Variants in ZKSCAN5 observed in about 807,000 individuals in gnomAD.
ZKSCAN5 encodes the protein zinc finger protein with KRAB and SCAN domains 5.
ZKSCAN5 carries 28 observed loss-of-function variants against 60.0 expected under a neutral mutation model. That is an observed-to-expected ratio of 0.47 (90% CI 0.35 to 0.64). ZKSCAN5 has a LOEUF of 0.64. ZKSCAN5 is among the 30% of genes least tolerant of loss of function. The pLI, the probability that ZKSCAN5 is intolerant of heterozygous loss-of-function variation, is 0.01. For synonymous variants in ZKSCAN5, 361 were observed against 371.2 expected (o/e 0.97, Z 0.31); for missense variants, 881 against 1,034.6 (o/e 0.85, Z 2.04).
chr7:99,524,456 C>A (rs1173123926), intron 5 of ZKSCAN5, among the ~76,000 whole-genome samples: 3 of 152,192 alleles, frequency 2.0e-5, no homozygotes, highest in African/African-American at 7.2e-5. Context: ...AAGTGAACCG[C>A]CCGCCTTGGC....
chr7:99,532,227 G>A lies in ZKSCAN5; in HGVS notation c.2498G>A (p.Ser833Asn), dbSNP rs745582808. ...AGGACAGATCCCATAAATACCTTAA[G>A]TGTAGAGGGGTCTCTGTTGTAGAAT... Reference protein sequence around the residue: ...HERTDPINTLSVEGSLL With the variant: ...HERTDPINTLNVEGSLL The change falls in exon 7 of 7, where the codon AGT becomes AAT. Residue 833 changes from serine to asparagine, a missense_variant. Ser to Asn is a conservative substitution (Grantham distance 46). Around this residue, in one of 5 missense-constraint regions of ZKSCAN5, gnomAD observed 138 missense variants for 143.8 expected, o/e 0.96. Transcript: ENST00000326775. The A allele has an allele frequency of 5.1e-5, 81 of 1,589,450 alleles. No individual in the cohort carries two copies. The highest frequency in any genetic ancestry group is 6.8e-5 in the Non-Finnish European group (80 of 1,171,614).
At chr7:99,508,457 A>G (rs962979139) in intron 2 of ZKSCAN5, among the ~76,000 whole-genome samples, 14 of 152,014 alleles carry the variant, frequency 9.2e-5, no homozygotes, top group African/African-American at 3.1e-4. Flanking sequence ...TTGCCAGTAC[A>G]TAAGATGCAA....
At chr7:99,515,406 C>CAA (rs573506998) in intron 3 of ZKSCAN5, among the ~76,000 whole-genome samples, 1 of 135,520 alleles carries the variant, frequency 7.4e-6, no homozygotes, top group African/African-American at 2.7e-5. Flanking sequence ...GACTCTGTCT[C>CAA]AAAAAAAAAA....
Position 99,525,728 on chromosome 7 carries a change from G to A in ZKSCAN5, c.773-85G>A, listed in dbSNP as rs567181880. 11 of 1,504,630 alleles carry A rather than the reference G, an allele frequency of 7.3e-6. No homozygotes were observed. In the African/African-American group the frequency reaches 1.5e-4, roughly 21 times the overall value. The allele number at this position is 1,504,630 out of a possible 1,614,324, so 93.2% of individuals were successfully genotyped here. The stretch of plus-strand genomic sequence containing the variant: ...ACAGAATCATGGATCCCTAGCACAT[G>A]TCAGTTTCTCTTCATTATCCCCTCA... On this transcript the variant is annotated intron_variant, in intron 5 of 6. Coordinates refer to ENST00000326775, the MANE Select transcript of ZKSCAN5 (RefSeq NM_145102.4).
At chr7:99,527,747 C>A (rs1450745347) in intron 6 of ZKSCAN5, among the ~76,000 whole-genome samples, 1 of 152,030 alleles carries the variant, frequency 6.6e-6, no homozygotes, top group African/African-American at 2.4e-5. Flanking sequence ...TGCAATGGCA[C>A]GATCTCAGCT....
intron 3 of ZKSCAN5, among the ~76,000 whole-genome samples, chr7:99,515,993 CTTT>C (rs1219636117): frequency 1.4e-5 from 2 of 145,716 alleles, no homozygotes. Flanking sequence ...CTCATCTTTG[CTTT>C]TTTTTTTTTG....
intron 5 of ZKSCAN5, among the ~76,000 whole-genome samples, chr7:99,524,561 T>C (rs1801691202): frequency 6.6e-6 from 1 of 152,190 alleles, no homozygotes; most frequent in Non-Finnish European, 1.5e-5. Flanking sequence ...GCAAACCATA[T>C]TAAAACATCA....
chr7:99,532,096 T>A lies in ZKSCAN5; in HGVS notation c.2367T>A (p.Asn789Lys). ...GRGFTLKSHL[N>K]QHQRIHTGEK... ...GCTTCACTCTGAAGTCACATCTTAA[T>A]CAACATCAGAGAATCCATACTGGTG... Residue 789 changes from asparagine to lysine, a missense_variant, in exon 7 of 7, where the codon AAT (asparagine) becomes AAA (lysine). This residue lies in a region of ZKSCAN5 where 138 missense variants were observed against 143.8 expected (regional missense o/e 0.96). Transcript: ENST00000326775. The A allele has an allele frequency of 1.2e-6, 2 of 1,614,182 alleles. No individual in the cohort carries two copies. The highest frequency in any genetic ancestry group is 1.7e-6 in the Non-Finnish European group (2 of 1,180,038).
intron 6 of ZKSCAN5, among the ~76,000 whole-genome samples, chr7:99,527,174 T>A (rs1023433951): frequency 6.6e-6 from 1 of 152,010 alleles, no homozygotes; most frequent in South Asian, 2.1e-4. Context: ...TACAAAAAAA[T>A]TTAAAAATTA....
intron 6 of ZKSCAN5, among the ~76,000 whole-genome samples, chr7:99,529,127 A>T (rs1227273943): frequency 1.3e-5 from 2 of 151,810 alleles, no homozygotes; most frequent in South Asian, 4.2e-4. Flanking sequence ...CTCACCACCC[A>T]GTTATGTATT....
At chr7:99,528,752 G>A (rs1801917510) in intron 6 of ZKSCAN5, among the ~76,000 whole-genome samples, 1 of 152,146 alleles carries the variant, frequency 6.6e-6, no homozygotes, top group Non-Finnish European at 1.5e-5. Flanking sequence ...TGGATCAAAG[G>A]GGGAATACAT....
Position 99,526,040 on chromosome 7 carries a change from A to G in ZKSCAN5, c.1000A>G (p.Ile334Val), listed in dbSNP as rs771229633. Residue 334 changes from isoleucine (I) to valine (V), a missense_variant, in exon 6 of 7, where the codon ATC becomes GTC. Around this residue, in one of 5 missense-constraint regions of ZKSCAN5, gnomAD observed 490 missense variants for 554.5 expected, o/e 0.88. Transcript: ENST00000326775. ...AAGGGATCTGGATGCAATCACAGAC[A>G]TCAGCCCTAAGCAAAGCACACATGG... Reference protein sequence around the residue: ...QKRDLDAITDISPKQSTHGER... With the variant: ...QKRDLDAITDVSPKQSTHGER... 1 of 1,614,224 alleles carries G rather than the reference A, an allele frequency of 6.2e-7. No individual in the cohort carries two copies. The highest frequency in any genetic ancestry group is 8.5e-7 in the Non-Finnish European group (1 of 1,180,040).
chr7:99,532,215 T>C lies in ZKSCAN5; in HGVS notation c.2486T>C (p.Ile829Thr), dbSNP rs201315657. 1.2e-6 allele frequency: 2 copies of C among 1,604,610 alleles called. No homozygotes were observed. Among genetic ancestry groups the C allele is most frequent in the African/African-American group, 2.7e-5 (2 of 74,436 alleles). Residue 829 changes from isoleucine to threonine, a missense_variant, in exon 7 of 7, where the codon ATA becomes ACA. By Grantham distance (89) the Ile-to-Thr change is moderately conservative. Coordinates refer to ENST00000326775, the MANE Select transcript of ZKSCAN5 (RefSeq NM_145102.4). ...AGAAGCCATGAGAGGACAGATCCCA[T>C]AAATACCTTAAGTGTAGAGGGGTCT... Reference protein sequence around the residue: ...HLRSHERTDPINTLSVEGSLL With the variant: ...HLRSHERTDPTNTLSVEGSLL
Position 99,532,091 on chromosome 7 carries a change from C to G in ZKSCAN5, c.2362C>G (p.Leu788Val). The part of the protein sequence containing the change: ...CGRGFTLKSH[L>V]NQHQRIHTGE... Reference sequence around the variant, plus strand: ...CAGAGGCTTCACTCTGAAGTCACATCTTAATCAACATCAGAGAATCCATAC... The same window carrying G: ...CAGAGGCTTCACTCTGAAGTCACATGTTAATCAACATCAGAGAATCCATAC... Residue 788 changes from leucine (L) to valine (V), a missense_variant, in exon 7 of 7, where the codon CTT (leucine) becomes GTT (valine). Around this residue, in one of 5 missense-constraint regions of ZKSCAN5, gnomAD observed 138 missense variants for 143.8 expected, o/e 0.96. Coordinates refer to ENST00000326775, the MANE Select transcript of ZKSCAN5 (RefSeq NM_145102.4). The G allele has an allele frequency of 6.2e-7, 1 of 1,614,212 alleles. No homozygotes were observed. The highest frequency in any genetic ancestry group is 1.7e-5 in the Admixed American group (1 of 60,028).
intron 2 of ZKSCAN5, among the ~76,000 whole-genome samples, chr7:99,507,181 G>A (rs1800774760): frequency 6.6e-6 from 1 of 151,946 alleles, no homozygotes; most frequent in Non-Finnish European, 1.5e-5. Flanking sequence ...TTGGAAAAAC[G>A]CAAATGTCTT....
chr7:99,519,185 G>A (rs758153896), intron 3 of ZKSCAN5, among the ~76,000 whole-genome samples: 54 of 145,792 alleles, frequency 3.7e-4, no homozygotes, highest in Non-Finnish European at 7.1e-4. Flanking sequence ...CATACAGGCC[G>A]GGCTGGTCTC....
Position 99,525,981 on chromosome 7 carries a change from C to T in ZKSCAN5, c.941C>T (p.Thr314Ile), listed in dbSNP as rs1335250561. 6.2e-7 allele frequency: 1 copy of T among 1,613,972 alleles called. No homozygotes were observed. The change falls in exon 6 of 7, where the codon ACT becomes ATT. Residue 314 changes from threonine (T) to isoleucine (I), a missense_variant. By Grantham distance (89) the Thr-to-Ile change is moderately conservative (BLOSUM62 -1). Around this residue, in one of 5 missense-constraint regions of ZKSCAN5, gnomAD observed 490 missense variants for 554.5 expected, o/e 0.88. Transcript: ENST00000326775. ...GTACAAAGGTGGCAGGTCAACCCCA[C>T]TGTGGGGAAATCAAGGCAGAATCCT... The part of the protein sequence containing the change: ...GMVQRWQVNP[T>I]VGKSRQNPSQ...
intron 5 of ZKSCAN5, among the ~76,000 whole-genome samples, chr7:99,522,480 T>TC (rs1789753044): frequency 6.8e-6 from 1 of 147,102 alleles, no homozygotes; most frequent in Admixed American, 6.8e-5. Context: ...TGTTTCCCCT[T>TC]TTTTTTTTTT....
At position 99,531,270 on chromosome 7, in the gene ZKSCAN5, A is replaced by T. The variant is rs939387075; in HGVS notation, c.1541A>T (p.Gln514Leu). ...CEFQGKLDRK[Q>L]GIPMKEILGQ... ...TTTCAAGGCAAGCTGGATAGAAAGC[A>T]GGGAATTCCCATGAAAGAGATACTA... Residue 514 changes from glutamine (Q) to leucine (L), a missense_variant, in exon 7 of 7, where the codon CAG (glutamine) becomes CTG (leucine). By Grantham distance (113) the Gln-to-Leu change is moderately radical. Around this residue, in one of 5 missense-constraint regions of ZKSCAN5, gnomAD observed 490 missense variants for 554.5 expected, o/e 0.88. Transcript: ENST00000326775. 1.9e-6 allele frequency: 3 copies of T among 1,614,080 alleles called. No homozygotes were observed. The highest frequency in any genetic ancestry group is 2.5e-6 in the Non-Finnish European group (3 of 1,180,040).
Sources: allele counts gnomAD v4.1 joint callset (sites outside exome capture counted in the v4.1 genomes callset), GRCh38; gene constraint gnomAD v4.1.1; regional missense constraint gnomAD v4.1.1; transcripts MANE v1.5; gene names NCBI Gene and HGNC (gene_info 2026-07-23, HGNC 2026-07-21).